The following GPC6 variants were observed in gnomAD, a reference collection of about 807,000 sequenced individuals.
GPC6 encodes glypican 6.
A neutral mutation model predicts 55.2 loss-of-function variants in GPC6; 14 were observed. The observed-to-expected ratio is 0.25, with a 90% CI of 0.17 to 0.40. The LOEUF (loss-of-function observed/expected upper bound fraction) is 0.40, where lower values mean the gene tolerates loss of function less well. Ranked by LOEUF, GPC6 falls within the 10% of genes least tolerant of loss-of-function variation. The pLI is 1.00. For missense variants in GPC6, 641 were observed against 708.5 expected, an observed-to-expected ratio of 0.90 and a Z score of 1.08; for synonymous variants, 278 against 259.6, an observed-to-expected ratio of 1.07 and a Z score of -0.68.
chr13:93,405,265 A>G (rs1395451372), intron 1 of GPC6, among the ~76,000 whole-genome samples: 2 of 152,058 alleles, frequency 1.3e-5, no homozygotes, highest in East Asian at 3.9e-4. Context: ...TGGCACATAC[A>G]CTTTAATTAC....
intron 3 of GPC6, among the ~76,000 whole-genome samples, chr13:93,868,722 T>A (rs367856053): frequency 2.0e-5 from 3 of 151,822 alleles, no homozygotes; most frequent in East Asian, 3.9e-4. Flanking sequence ...ACTATTAATA[T>A]TATTTGAGAG....
intron 4 of GPC6, among the ~76,000 whole-genome samples, chr13:94,098,458 T>C (rs1885740785): frequency 6.6e-6 from 1 of 152,190 alleles, no homozygotes; most frequent in South Asian, 2.1e-4. Context: ...AGAATATTTG[T>C]CAAAATCAAT....
In GPC6 at chr13:94,140,763, C is replaced by T. The variant is rs141244285; in HGVS notation, c.877+112869C>T. ...ATTAGGCAGAACTCCAAGCTGGCAT[C>T]GTGGTTTGAGGCTACCAGGAGCAAC... On this transcript the variant is annotated intron_variant, in intron 4 of 8. Transcript: ENST00000377047. 9.9e-5 allele frequency among the ~76,000 whole-genome samples: 15 copies of T among 152,168 alleles called. 1 individual carries two copies. The East Asian group carries it at 2.7e-3, about 27-fold the overall frequency.
intron 2 of GPC6, among the ~76,000 whole-genome samples, chr13:93,698,916 T>A (rs955407205): frequency 2.0e-5 from 3 of 151,876 alleles, no homozygotes; most frequent in Admixed American, 6.6e-5. Context: ...TATCGGAAAA[T>A]TTGAGGTGGG....
intron 4 of GPC6, among the ~76,000 whole-genome samples, chr13:94,274,759 T>C (rs945902316): frequency 1.6e-4 from 25 of 152,160 alleles, no homozygotes; most frequent in Non-Finnish European, 8.8e-5. Flanking sequence ...TCTTTTTTTT[T>C]TTTTAGCTTA....
rs535651347 is a variant in GPC6, at chr13:93,654,265, AT to A, written c.319+108850del. 6.1e-3 allele frequency among the ~76,000 whole-genome samples: 929 copies of A among 151,962 alleles called. 9 individuals are homozygous for A. The highest frequency in any genetic ancestry group is 0.021 in the African/African-American group (859 of 41,458). ...TTATTATTATTATTACTATTTATTT[AT>A]TTTTTGAAACAGAATCTCACTCTGT... On this transcript the variant is annotated intron_variant, in intron 2 of 8. Coordinates refer to ENST00000377047, the MANE Select transcript of GPC6 (RefSeq NM_005708.5).
intron 3 of GPC6, among the ~76,000 whole-genome samples, chr13:93,884,648 C>T (rs1714530715): frequency 6.6e-6 from 1 of 151,998 alleles, no homozygotes; most frequent in African/African-American, 2.4e-5. Context: ...AAAATTTTCA[C>T]CCTGAAGGAA....
At chr13:94,237,791 T>C (rs144182470) in intron 4 of GPC6, among the ~76,000 whole-genome samples, 1 of 152,250 alleles carries the variant, frequency 6.6e-6, no homozygotes, top group East Asian at 1.9e-4. Context: ...AGGGTTATAA[T>C]GGGAAGCCAT....
chr13:93,252,394 A>C (rs1415153898), intron 1 of GPC6, among the ~76,000 whole-genome samples: 3 of 152,224 alleles, frequency 2.0e-5, no homozygotes, highest in Non-Finnish European at 4.4e-5. Flanking sequence ...AGATTTTTCC[A>C]ATACACTTAC....
intron 3 of GPC6, among the ~76,000 whole-genome samples, chr13:93,887,967 C>A (rs1056373584): frequency 6.6e-6 from 1 of 152,088 alleles, no homozygotes; most frequent in African/African-American, 2.4e-5. Context: ...GGGGACCAGT[C>A]CATCTGGGGT....
Position 93,601,082 on chromosome 13 carries a change from CAG to C in GPC6, c.319+55662_319+55663del. Reference sequence around the variant, plus strand: ...ACTAGAGGAAAAGACGAGGGGAAAACAGGAGCTTAAAAGAATTAAAACATGTT... The same window carrying C: ...ACTAGAGGAAAAGACGAGGGGAAAACGAGCTTAAAAGAATTAAAACATGTT... On this transcript the variant is annotated intron_variant, in intron 2 of 8. Transcript: ENST00000377047. Among the ~76,000 whole-genome samples the C allele has an allele frequency of 6.0e-5, 9 of 150,702 alleles. 1 individual carries two copies. The highest frequency in any genetic ancestry group is 2.2e-4 in the African/African-American group (9 of 41,046).
At chr13:93,554,182 C>A (rs929612929) in intron 2 of GPC6, among the ~76,000 whole-genome samples, 4 of 151,096 alleles carry the variant, frequency 2.6e-5, no homozygotes, top group Non-Finnish European at 4.4e-5. Flanking sequence ...CTGACTTGAA[C>A]ATACACAGGA....
chr13:94,270,590 C>T (rs568464297), intron 4 of GPC6, among the ~76,000 whole-genome samples: 127 of 151,566 alleles, frequency 8.4e-4, no homozygotes, highest in Non-Finnish European at 8.8e-4. Context: ...GATTTTTATT[C>T]TCCTCCTTGT....
chr13:93,493,829 G>A (rs1228357893), intron 1 of GPC6, among the ~76,000 whole-genome samples: 6 of 115,086 alleles, frequency 5.2e-5, no homozygotes, highest in South Asian at 6.3e-4. Context: ...GTAGTTGAGC[G>A]GCTTTGAGTG....
intron 1 of GPC6, among the ~76,000 whole-genome samples, chr13:93,476,842 T>C (rs1329382574): frequency 6.6e-6 from 1 of 152,324 alleles, no homozygotes; most frequent in East Asian, 1.9e-4. Context: ...AAATATGCTA[T>C]GTACAAATAT....
chr13:93,864,584 G>T (rs1340600333), intron 3 of GPC6, among the ~76,000 whole-genome samples: 1 of 151,692 alleles, frequency 6.6e-6, no homozygotes, highest in Non-Finnish European at 1.5e-5. Flanking sequence ...GGATGTAACA[G>T]GGCAGTAATA....
intron 1 of GPC6, among the ~76,000 whole-genome samples, chr13:93,284,731 C>T (rs2139071743): frequency 6.6e-6 from 1 of 152,294 alleles, no homozygotes; most frequent in African/African-American, 2.4e-5. Context: ...TGAGTGCCTA[C>T]TGTGTGCCAA....
chr13:93,786,806 G>T (rs950702111), intron 2 of GPC6, among the ~76,000 whole-genome samples: 1 of 152,130 alleles, frequency 6.6e-6, no homozygotes, highest in African/African-American at 2.4e-5. Context: ...AAGACTATCA[G>T]TGAAACCAGA....
Position 93,496,467 on chromosome 13 carries a change from C to G in GPC6, c.161-48796C>G, listed in dbSNP as rs1027719517. ...CTCAGATGGAAATGCAGAAATCACCCGTCTTCTGCGTCGCTCATGCTGGGA... is the reference window on the plus strand; with the variant it reads ...CTCAGATGGAAATGCAGAAATCACCGGTCTTCTGCGTCGCTCATGCTGGGA... On this transcript the variant is annotated intron_variant, in intron 1 of 8. Transcript: ENST00000377047. 2.0e-5 allele frequency among the ~76,000 whole-genome samples: 3 copies of G among 152,190 alleles called. No individual in the cohort carries two copies. The East Asian group carries it at 5.8e-4, about 29-fold the overall frequency.
Sources: gnomAD v4.1 joint callset for allele counts (sites outside exome capture counted in the v4.1 genomes callset) on GRCh38, gnomAD v4.1.1 for gene constraint, MANE v1.5 for transcripts, NCBI Gene and HGNC (gene_info 2026-07-23, HGNC 2026-07-21) for gene names.